TNIK: variants seen among roughly 807,000 people sequenced by gnomAD.
TNIK encodes the protein TRAF2 and NCK interacting kinase, also known as TRAF2 and NCK-interacting protein kinase.
A neutral mutation model predicts 191.3 loss-of-function variants in TNIK; 49 were observed. The ratio of observed to expected loss-of-function variants is 0.26; its 90% CI spans 0.20 to 0.32. TNIK has a LOEUF of 0.32. TNIK is among the 10% of genes least tolerant of loss of function. The probability of loss-of-function intolerance (pLI) is 1.00; values close to 1 mark genes in which losing one functional copy is unlikely to be tolerated. For missense variants in TNIK, 1,155 were observed against 1,702.3 expected, an observed-to-expected ratio of 0.68 and a Z score of 5.66; for synonymous variants, 594 against 600.9, an observed-to-expected ratio of 0.99 and a Z score of 0.17.
At chr3:171,394,960 G>A (rs1031671619) in intron 1 of TNIK, among the ~76,000 whole-genome samples, 2 of 152,114 alleles carry the variant, frequency 1.3e-5, no homozygotes, top group African/African-American at 4.8e-5. Context: ...GGGGAAATAC[G>A]TCATTTGAGA....
intron 1 of TNIK, among the ~76,000 whole-genome samples, chr3:171,403,496 C>G (rs1721222198): frequency 6.6e-6 from 1 of 151,784 alleles, no homozygotes; most frequent in African/African-American, 2.4e-5. Flanking sequence ...CGCCTGTAAT[C>G]CCAGCTACTC....
intron 17 of TNIK, among the ~76,000 whole-genome samples, chr3:171,125,124 G>A (rs1728295610): frequency 6.6e-6 from 1 of 152,178 alleles, no homozygotes; most frequent in South Asian, 2.1e-4. Flanking sequence ...TGCAAATTGT[G>A]GAACATTCCA....
intron 1 of TNIK, among the ~76,000 whole-genome samples, chr3:171,434,269 G>T (rs546262482): frequency 6.6e-6 from 1 of 151,880 alleles, no homozygotes; most frequent in South Asian, 2.1e-4. Flanking sequence ...TTTTGTAATT[G>T]ATTGTTTTTC....
chr3:171,362,351 T>C (rs1011213952), intron 2 of TNIK, among the ~76,000 whole-genome samples: 4 of 152,182 alleles, frequency 2.6e-5, no homozygotes, highest in Non-Finnish European at 5.9e-5. Context: ...ATACTGGTAT[T>C]AGGTTGGTGC....
At chr3:171,261,468 C>T (rs1747602438) in intron 2 of TNIK, among the ~76,000 whole-genome samples, 1 of 152,152 alleles carries the variant, frequency 6.6e-6, no homozygotes, top group South Asian at 2.1e-4. Flanking sequence ...TACTTTCAAA[C>T]AAGAACCCCA....
At chr3:171,345,924 C>T (rs1288914465) in intron 2 of TNIK, among the ~76,000 whole-genome samples, 1 of 151,532 alleles carries the variant, frequency 6.6e-6, no homozygotes, top group Non-Finnish European at 1.5e-5. Context: ...CTGAAGTGAA[C>T]AAATGAATGA....
At chr3:171,145,689 A>G (rs1731462836) in intron 12 of TNIK, among the ~76,000 whole-genome samples, 1 of 151,576 alleles carries the variant, frequency 6.6e-6, no homozygotes, top group South Asian at 2.1e-4. Context: ...TATCACCTCA[A>G]CCCTTAAATT....
intron 28 of TNIK, among the ~76,000 whole-genome samples, chr3:171,073,566 ACAAT>A (rs574463128): frequency 2.6e-5 from 4 of 152,342 alleles, no homozygotes; most frequent in Non-Finnish European, 5.9e-5. Context: ...GGCAAAATAA[ACAAT>A]CAACAGAGTA....
At chr3:171,433,332 T>C (rs1343527815) in intron 1 of TNIK, among the ~76,000 whole-genome samples, 4 of 152,178 alleles carry the variant, frequency 2.6e-5, no homozygotes, top group East Asian at 1.9e-4. Flanking sequence ...AATCTTACTA[T>C]ATATGCTGCT....
At chr3:171,357,503 G>C (rs1235261417) in intron 2 of TNIK, among the ~76,000 whole-genome samples, 1 of 149,938 alleles carries the variant, frequency 6.7e-6, no homozygotes, top group Non-Finnish European at 1.5e-5. Flanking sequence ...TGGCCAGGCT[G>C]GTCTCAAACT....
chr3:171,064,115 A>T, intron 32 of TNIK, 151 bp from the exon 33 acceptor site: 1 of 659,310 alleles, frequency 1.5e-6, no homozygotes, highest in East Asian at 2.8e-5. Flanking sequence ...CCCTTTGGAT[A>T]TCGTGCATCC....
At chr3:171,105,524 A>C (rs1186001162) in intron 21 of TNIK, among the ~76,000 whole-genome samples, 2 of 152,176 alleles carry the variant, frequency 1.3e-5, no homozygotes, top group African/African-American at 2.4e-5. Flanking sequence ...AGTGATACTC[A>C]AGAGATCAGG....
chr3:171,082,786 A>G (rs1409274936), intron 26 of TNIK: 1 of 168,554 alleles, frequency 5.9e-6, no homozygotes, highest in Non-Finnish European at 1.3e-5. Flanking sequence ...CCCCACCCCT[A>G]TGCAGTGGTC....
chr3:171,426,333 C>T (rs1258584077), intron 1 of TNIK, among the ~76,000 whole-genome samples: 2 of 145,694 alleles, frequency 1.4e-5, no homozygotes, highest in African/African-American at 5.1e-5. Context: ...CATGTTCTCA[C>T]TCATAGGTGG....
chr3:171,286,485 A>C (rs1175739282), intron 2 of TNIK, among the ~76,000 whole-genome samples: 1 of 152,192 alleles, frequency 6.6e-6, no homozygotes. Flanking sequence ...AAATACAAAA[A>C]TTAGCTGGGT....
rs138894135 is a variant in TNIK, at chr3:171,213,373, G to A, written c.181-2132C>T. 3.0e-4 allele frequency among the ~76,000 whole-genome samples: 45 copies of A among 152,218 alleles called. No homozygotes were observed. In the East Asian group the frequency reaches 3.9e-3, roughly 13 times the overall value. On this transcript the variant is annotated intron_variant, in intron 3 of 32. Transcript: ENST00000436636. ...CTGCTTCCATTAAAAAGGCAACTACGTGAGGTAATAAAAGACACGGATCAC... is the reference window on the plus strand; with the variant it reads ...CTGCTTCCATTAAAAAGGCAACTACATGAGGTAATAAAAGACACGGATCAC...
intron 1 of TNIK, among the ~76,000 whole-genome samples, chr3:171,385,501 TG>T (rs1718605158): frequency 6.6e-6 from 1 of 152,110 alleles, no homozygotes; most frequent in Admixed American, 6.6e-5. Context: ...TTGGGATCTC[TG>T]CTCTAACAAG....
At position 171,105,068 on chromosome 3, in the gene TNIK, T is replaced by A. The variant is rs148952858; in HGVS notation, c.2406+2115A>T. Among the ~76,000 whole-genome samples the A allele has an allele frequency of 5.7e-3, 862 of 152,198 alleles. 25 individuals are homozygous for A. The highest frequency in any genetic ancestry group is 0.046 in the Admixed American group (702 of 15,290). Reference sequence around the variant, plus strand: ...AAAGCAATGTCACATTAATGTACACTCCCCCAAATTAATTTTTATAAAAAG... The same window carrying A: ...AAAGCAATGTCACATTAATGTACACACCCCCAAATTAATTTTTATAAAAAG... On this transcript the variant is annotated intron_variant, in intron 21 of 32. Coordinates refer to ENST00000436636, the MANE Select transcript of TNIK (RefSeq NM_015028.4).
chr3:171,214,171 AG>A lies in TNIK; in HGVS notation c.181-2931del, dbSNP rs573965593. Among the ~76,000 whole-genome samples the A allele has an allele frequency of 1.1e-4, 16 of 151,876 alleles. No individual in the cohort carries two copies. In the South Asian group the frequency reaches 3.3e-3, roughly 32 times the overall value. Reference sequence around the variant, plus strand: ...TACTGTTTATCCAGATTTTTAGTCTAGGGCACAGATGGCAGTAAGTTATTCA... The same window carrying A: ...TACTGTTTATCCAGATTTTTAGTCTAGGCACAGATGGCAGTAAGTTATTCA... On this transcript the variant is annotated intron_variant, in intron 3 of 32. Transcript: ENST00000436636.
Sources: allele counts gnomAD v4.1 joint callset (sites outside exome capture counted in the v4.1 genomes callset), GRCh38; gene constraint gnomAD v4.1.1; transcripts MANE v1.5; gene names NCBI Gene and HGNC (gene_info 2026-07-23, HGNC 2026-07-21).